Variants in KIAA1328 observed in about 807,000 individuals in gnomAD.
KIAA1328 encodes KIAA1328, also known as protein hinderin.
KIAA1328 carries 52 observed loss-of-function variants against 68.1 expected under a neutral mutation model. That is an observed-to-expected ratio of 0.76 (90% CI 0.61 to 0.96). KIAA1328 has a LOEUF of 0.96. KIAA1328 is among the 40% of genes least tolerant of loss of function. KIAA1328 has a pLI of 0.00. For missense variants in KIAA1328, 641 were observed against 677.6 expected, an observed-to-expected ratio of 0.95 and a Z score of 0.60; for synonymous variants, 232 against 239.4, an observed-to-expected ratio of 0.97 and a Z score of 0.28.
chr18:37,097,620 G>A (rs1310039650), intron 7 of KIAA1328, among the ~76,000 whole-genome samples: 1 of 152,190 alleles, frequency 6.6e-6, no homozygotes, highest in Non-Finnish European at 1.5e-5. Context: ...GACAGTCATT[G>A]GTAGCTTGAT....
chr18:36,903,477 G>C (rs1040651699), intron 5 of KIAA1328: 4 of 152,028 alleles, frequency 2.6e-5, no homozygotes, highest in Admixed American at 6.6e-5. Context: ...GAAAAGAAAG[G>C]GAAATGTAAA....
intron 9 of KIAA1328, among the ~76,000 whole-genome samples, chr18:37,216,748 T>C (rs2060443331): frequency 6.6e-6 from 1 of 152,134 alleles, no homozygotes; most frequent in South Asian, 2.1e-4. Flanking sequence ...TCTCCCATTA[T>C]TATTTTGTGG....
At chr18:37,051,819 G>C (rs1210822855) in intron 6 of KIAA1328, among the ~76,000 whole-genome samples, 1 of 152,058 alleles carries the variant, frequency 6.6e-6, no homozygotes, top group African/African-American at 2.4e-5. Context: ...AAGGCAGGCG[G>C]ATCACTGAAG....
chr18:37,003,539 G>A (rs1171740315), intron 6 of KIAA1328, among the ~76,000 whole-genome samples: 1 of 151,962 alleles, frequency 6.6e-6, no homozygotes, highest in African/African-American at 2.4e-5. Context: ...CATTTTGTGG[G>A]TTGTTTACTC....
intron 6 of KIAA1328, chr18:37,063,619 A>G (rs1599129368): frequency 1.0e-6 from 1 of 985,028 alleles, no homozygotes; most frequent in African/African-American, 1.7e-5. Flanking sequence ...TTACACATGC[A>G]CAGTAACCAA....
rs541659975 is a variant in KIAA1328, at chr18:36,901,656, C to T, written c.448+15984C>T. The stretch of plus-strand genomic sequence containing the variant: ...CATTTTACTATTGACTCTTAATGGA[C>T]CTGCAGTGCTATAGCTGAGTCTGCA... On this transcript the variant is annotated intron_variant, in intron 5 of 9. Coordinates refer to ENST00000280020, the MANE Select transcript of KIAA1328 (RefSeq NM_020776.3). 1.3e-5 allele frequency among the ~76,000 whole-genome samples: 2 copies of T among 152,090 alleles called. 1 individual carries two copies. The highest frequency in any genetic ancestry group is 4.1e-4 in the South Asian group (2 of 4,822).
chr18:36,918,906 T>A (rs2049815037), intron 5 of KIAA1328, among the ~76,000 whole-genome samples: 1 of 152,204 alleles, frequency 6.6e-6, no homozygotes, highest in African/African-American at 2.4e-5. Context: ...TTATTAACAT[T>A]TCTTTGTGTT....
intron 5 of KIAA1328, among the ~76,000 whole-genome samples, chr18:36,956,262 A>G (rs1310742537): frequency 6.6e-6 from 1 of 152,126 alleles, no homozygotes; most frequent in Non-Finnish European, 1.5e-5. Flanking sequence ...TTCTTTGAAA[A>G]GGTTGCAATG....
intron 7 of KIAA1328, among the ~76,000 whole-genome samples, chr18:37,139,416 T>C (rs1253440644): frequency 6.6e-6 from 1 of 152,220 alleles, no homozygotes; most frequent in African/African-American, 2.4e-5. Flanking sequence ...CTTGTATTCA[T>C]TGGCAGCCAA....
At chr18:36,873,818 C>G (rs2048028462) in intron 4 of KIAA1328, among the ~76,000 whole-genome samples, 1 of 152,100 alleles carries the variant, frequency 6.6e-6, no homozygotes, top group Non-Finnish European at 1.5e-5. Flanking sequence ...AAGTATTTCT[C>G]CTTATGCTAT....
At chr18:36,906,623 G>T (rs184133117) in intron 5 of KIAA1328, among the ~76,000 whole-genome samples, 18 of 152,132 alleles carry the variant, frequency 1.2e-4, no homozygotes, top group Admixed American at 3.3e-4. Flanking sequence ...TACATTAGTA[G>T]ATATATATAT....
chr18:36,909,863 T>G (rs1489169099), intron 5 of KIAA1328, among the ~76,000 whole-genome samples: 1 of 152,246 alleles, frequency 6.6e-6, no homozygotes, highest in Non-Finnish European at 1.5e-5. Context: ...TGGCTTTGAT[T>G]TGCATTTCTC....
In KIAA1328 at chr18:36,991,625, C is replaced by T. The variant is rs189958387; in HGVS notation, c.576+32190C>T. On this transcript the variant is annotated intron_variant, in intron 6 of 9. Coordinates refer to ENST00000280020, the MANE Select transcript of KIAA1328 (RefSeq NM_020776.3). ...CTTAACCACTGCAAATCTTAGATAA[C>T]CACCATTCTTGAATTTGAGCTAGGT... Among the ~76,000 whole-genome samples the T allele has an allele frequency of 1.1e-3, 172 of 152,302 alleles. 1 individual carries two copies. Among genetic ancestry groups the T allele is most frequent in the African/African-American group, 4.0e-3 (167 of 41,552 alleles).
chr18:37,051,421 C>T (rs2055689042), intron 6 of KIAA1328, among the ~76,000 whole-genome samples: 1 of 152,096 alleles, frequency 6.6e-6, no homozygotes, highest in South Asian at 2.1e-4. Flanking sequence ...CTACTATGAA[C>T]ATCTCTATAC....
chr18:36,965,432 T>C (rs1303150264), intron 6 of KIAA1328, among the ~76,000 whole-genome samples: 1 of 150,512 alleles, frequency 6.6e-6, no homozygotes, highest in Non-Finnish European at 1.5e-5. Flanking sequence ...TAAAAGGCGA[T>C]CAGGAGTTCG....
At chr18:37,082,754 T>C (rs1482299705) in intron 7 of KIAA1328, among the ~76,000 whole-genome samples, 1 of 152,210 alleles carries the variant, frequency 6.6e-6, no homozygotes, top group Non-Finnish European at 1.5e-5. Context: ...AAGGGTATTA[T>C]TTTTGTGAGT....
intron 7 of KIAA1328, among the ~76,000 whole-genome samples, chr18:37,118,143 C>G (rs748166506): frequency 1.6e-4 from 24 of 151,912 alleles, no homozygotes; most frequent in African/African-American, 5.1e-4. Flanking sequence ...TACAGGTGTG[C>G]ACCACCACAC....
At chr18:36,877,247 C>A (rs931509579) in intron 4 of KIAA1328, among the ~76,000 whole-genome samples, 1 of 151,996 alleles carries the variant, frequency 6.6e-6, no homozygotes, top group Admixed American at 6.6e-5. Flanking sequence ...TTTTCTCTCT[C>A]GTTGATCTGA....
At chr18:37,191,383 G>A (rs1345111282) in intron 9 of KIAA1328, among the ~76,000 whole-genome samples, 1 of 152,150 alleles carries the variant, frequency 6.6e-6, no homozygotes, top group African/African-American at 2.4e-5. Context: ...TCTTTTACAT[G>A]TGCCTGCACT....
Sources: gnomAD v4.1 joint callset for allele counts (sites outside exome capture counted in the v4.1 genomes callset) on GRCh38, gnomAD v4.1.1 for gene constraint, MANE v1.5 for transcripts, NCBI Gene and HGNC (gene_info 2026-07-23, HGNC 2026-07-21) for gene names.